Variants in DENND2B observed in about 807,000 individuals in gnomAD.
The protein encoded by DENND2B is DENN domain containing 2B, also known as DENN domain-containing protein 2B.
Under a neutral mutation model 116.0 loss-of-function variants are expected in DENND2B, and 32 were observed. The ratio of observed to expected loss-of-function variants is 0.28; its 90% CI spans 0.21 to 0.37. The LOEUF (loss-of-function observed/expected upper bound fraction) is 0.37. Among genes scored for constraint, DENND2B ranks in the 10% least tolerant of loss-of-function variants. DENND2B has a pLI of 1.00. For missense variants in DENND2B, 1,276 were observed against 1,477.7 expected (o/e 0.86, Z 2.24); for synonymous variants, 588 against 583.9 (o/e 1.01, Z -0.10).
intron 1 of DENND2B, among the ~76,000 whole-genome samples, chr11:8,791,063 C>A (rs558646322): frequency 2.0e-4 from 31 of 152,304 alleles, no homozygotes; most frequent in Middle Eastern, 3.4e-3. Context: ...CAAAGCAGCT[C>A]CATTTCCTCA....
chr11:8,875,570 TA>T, upstream of DENND2B, among the ~76,000 whole-genome samples: 1 of 151,798 alleles, frequency 6.6e-6, no homozygotes, highest in Non-Finnish European at 1.5e-5. Context: ...AACACATGGC[TA>T]ATCTTTTAAA....
chr11:8,827,511 G>C (rs1015064063), intron 4 of DENND2B, among the ~76,000 whole-genome samples: 1 of 152,196 alleles, frequency 6.6e-6, no homozygotes, highest in African/African-American at 2.4e-5. Context: ...CTAAGGTAAA[G>C]GCCCAGAGGA....
At chr11:8,698,217 A>G (rs2040802622) in intron 16 of DENND2B, among the ~76,000 whole-genome samples, 1 of 145,460 alleles carries the variant, frequency 6.9e-6, no homozygotes, top group African/African-American at 2.5e-5. Context: ...AGGACCAGCC[A>G]GGGGTTCCTG....
chr11:8,876,321 A>G, upstream of DENND2B, among the ~76,000 whole-genome samples: 1 of 152,312 alleles, frequency 6.6e-6, no homozygotes, highest in Non-Finnish European at 1.5e-5. Flanking sequence ...AATTAAAAAT[A>G]AATTATTCAT....
intron 1 of DENND2B, among the ~76,000 whole-genome samples, chr11:8,764,891 G>A (rs992363239): frequency 7.0e-6 from 1 of 142,538 alleles, no homozygotes; most frequent in Non-Finnish European, 1.5e-5. Flanking sequence ...GTTGCAGTGA[G>A]CTGAGATCGC....
At position 8,712,423 on chromosome 11, in the gene DENND2B, G is replaced by A. The variant is rs919890584; in HGVS notation, c.2172+128C>T. On this transcript the variant is annotated intron_variant, in intron 9 of 19. Coordinates refer to ENST00000313726, the MANE Select transcript of DENND2B (RefSeq NM_213618.2). This position sits in a 1 kb window ranked among gnomAD's most constrained non-coding sequence, Gnocchi z 4.4. ...TTCCCTCCTGGCTGAGAGGAGGCAG[G>A]TTCAGGGCTGTGGCAGCTCGGTGAG... 204 of 1,123,080 alleles carry A rather than the reference G, an allele frequency of 1.8e-4. No individual in the cohort carries two copies. Among genetic ancestry groups the A allele is most frequent in the Non-Finnish European group, 2.4e-4 (196 of 804,904 alleles). The allele number at this position is 1,123,080 out of a possible 1,614,324, so 69.6% of individuals were successfully genotyped here. A position where few individuals can be genotyped will look rare whatever the true frequency, so the allele number is the denominator to read the frequency against.
At chr11:8,701,126 A>C (rs185120158) in intron 14 of DENND2B, among the ~76,000 whole-genome samples, 205 of 152,328 alleles carry the variant, frequency 1.3e-3, no homozygotes, top group Admixed American at 2.4e-3. Context: ...GTCTGGAAAG[A>C]AAGCCCCGGC....
rs748362425 is a variant in DENND2B, at chr11:8,699,217, T to G, written c.2894A>C (p.Glu965Ala). 2.4e-5 allele frequency: 37 copies of G among 1,559,946 alleles called. No homozygotes were observed. The East Asian group carries it at 8.3e-4, about 35-fold the overall frequency. The change falls in exon 15 of 20, where the codon GAG becomes GCG. Residue 965 changes from glutamate (E) to alanine (A), a missense_variant. Around this residue, in one of 2 missense-constraint regions of DENND2B, gnomAD observed 420 missense variants for 631.1 expected, o/e 0.67. Coordinates refer to ENST00000313726, the MANE Select transcript of DENND2B (RefSeq NM_213618.2). ...SLPKLKELPV[E>A]EALMVNLGSD... is the part of the protein sequence containing the mutation. ...CTGGTTCCCCCGGTGGCCCACCTCC[T>G]CCACAGGCAGCTCCTTCAGTTTGGG...
intron 2 of DENND2B, among the ~76,000 whole-genome samples, chr11:8,733,737 G>A (rs913399506): frequency 4.6e-5 from 7 of 152,140 alleles, no homozygotes; most frequent in African/African-American, 1.7e-4. Context: ...CAGGTCCTCT[G>A]GTCCATCTGA....
chr11:8,708,249 A>G (rs2042963063), intron 11 of DENND2B: 1 of 985,352 alleles, frequency 1.0e-6, no homozygotes, highest in Non-Finnish European at 1.2e-6. Flanking sequence ...AGGACAAGCC[A>G]TTGTAGCTTT....
At chr11:8,831,163 C>G (rs944151909) in intron 4 of DENND2B, among the ~76,000 whole-genome samples, 1 of 152,206 alleles carries the variant, frequency 6.6e-6, no homozygotes, top group African/African-American at 2.4e-5. Context: ...CCAGCCCATT[C>G]TTAGACTCAG....
intron 1 of DENND2B, among the ~76,000 whole-genome samples, chr11:8,904,543 C>G (rs1280664439): frequency 6.6e-6 from 1 of 152,142 alleles, no homozygotes; most frequent in Non-Finnish European, 1.5e-5. Context: ...CTTGCCACTT[C>G]TATTCAACAT....
At chr11:8,848,516 C>T (rs1027599841) in intron 3 of DENND2B, among the ~76,000 whole-genome samples, 1 of 151,994 alleles carries the variant, frequency 6.6e-6, no homozygotes. Context: ...TTAAATATGA[C>T]CTGAATAACA....
rs138474766 is a variant in DENND2B, at chr11:8,707,835, C to T, written c.2372G>A (p.Arg791Gln). 9 of 1,610,824 alleles carry T rather than the reference C, an allele frequency of 5.6e-6. No homozygotes were observed. The highest frequency in any genetic ancestry group is 4.2e-6 in the Non-Finnish European group (5 of 1,178,784). The part of the protein sequence containing the change: ...RRLLPSGKGP[R>Q]LPEVYCVISR... ...GATGACACAGTACACCTCTGGCAACCGGGGCCCTTTCCCACTTGGCTGGGC... is the reference window on the plus strand; with the variant it reads ...GATGACACAGTACACCTCTGGCAACTGGGGCCCTTTCCCACTTGGCTGGGC... Residue 791 changes from arginine (R) to glutamine (Q), a missense_variant, in exon 12 of 20, where the codon CGG becomes CAG. Arg to Gln is a conservative substitution (Grantham distance 43, BLOSUM62 1). Around this residue, in one of 2 missense-constraint regions of DENND2B, gnomAD observed 420 missense variants for 631.1 expected, o/e 0.67. Transcript: ENST00000313726. This position sits in a 1 kb window ranked among gnomAD's most constrained non-coding sequence, Gnocchi z 4.8.
Position 8,710,934 on chromosome 11 carries a change from G to A in DENND2B, c.2283-20C>T. 2 of 1,613,794 alleles carry A rather than the reference G, an allele frequency of 1.2e-6. No individual in the cohort carries two copies. The highest frequency in any genetic ancestry group is 8.5e-7 in the Non-Finnish European group (1 of 1,179,842). ...GTCTCACTGGAACAAAGAGAGGTCTGGCATCAGGGAGGTGTGAGAGGACCT... is the reference window on the plus strand; with the variant it reads ...GTCTCACTGGAACAAAGAGAGGTCTAGCATCAGGGAGGTGTGAGAGGACCT... On this transcript the variant is annotated intron_variant, in intron 10 of 19. Transcript: ENST00000313726.
At chr11:8,739,032 G>GT (rs1325571391) in intron 2 of DENND2B, among the ~76,000 whole-genome samples, 2 of 152,210 alleles carry the variant, frequency 1.3e-5, no homozygotes, top group African/African-American at 4.8e-5. Context: ...CCTGAAGGTG[G>GT]TAACAGTATC....
At chr11:8,708,281 G>C in intron 11 of DENND2B, 1 of 985,428 alleles carries the variant, frequency 1.0e-6, no homozygotes, top group Non-Finnish European at 1.2e-6. Flanking sequence ...GGGCACATTC[G>C]GCATACCATT....
intron 1 of DENND2B, among the ~76,000 whole-genome samples, chr11:8,905,868 C>T (rs2064229114): frequency 2.0e-5 from 3 of 151,838 alleles, no homozygotes; most frequent in South Asian, 2.1e-4. Context: ...ATACATGCTA[C>T]GACATGTGTG....
At chr11:8,698,703 G>A (rs577348997) in intron 16 of DENND2B, among the ~76,000 whole-genome samples, 15 of 152,296 alleles carry the variant, frequency 9.8e-5, no homozygotes, top group African/African-American at 2.4e-4. Flanking sequence ...CTCCCAGGCC[G>A]TGTTCTTCAA....
Sources: gnomAD v4.1 joint callset for allele counts (sites outside exome capture counted in the v4.1 genomes callset) on GRCh38, gnomAD v4.1.1 for gene constraint, gnomAD v4.1.1 regional missense constraint, Gnocchi (gnomAD v3.1) non-coding constraint, MANE v1.5 for transcripts, NCBI Gene and HGNC (gene_info 2026-07-23, HGNC 2026-07-21) for gene names.